XKR9: variants seen among roughly 807,000 people sequenced by gnomAD.
XKR9 encodes XK related 9, also known as XK-related protein 9.
A neutral mutation model predicts 32.0 loss-of-function variants in XKR9; 32 were observed. The observed-to-expected ratio is 1.00, with a 90% CI of 0.76 to 1.34. The LOEUF (loss-of-function observed/expected upper bound fraction) is 1.34. Among genes scored for constraint, XKR9 ranks in the 40% most tolerant of loss-of-function variants. The pLI is 0.00. For missense variants in XKR9, 546 were observed against 429.7 expected, an observed-to-expected ratio of 1.27 and a Z score of -2.39; for synonymous variants, 168 against 143.4, an observed-to-expected ratio of 1.17 and a Z score of -1.22.
chr8:70,758,321 C>T (rs1189801646), intron 2 of XKR9, among the ~76,000 whole-genome samples: 1 of 152,114 alleles, frequency 6.6e-6, no homozygotes, highest in Non-Finnish European at 1.5e-5. Flanking sequence ...TGGTAAACTC[C>T]AATAATTGCC....
chr8:70,853,771 T>A, the XKR9 span, among the ~76,000 whole-genome samples: 1 of 152,160 alleles, frequency 6.6e-6, no homozygotes, highest in East Asian at 1.9e-4. Context: ...AGTGAGAACA[T>A]GCAGTGTTTG....
At chr8:70,800,918 T>A in the XKR9 span, among the ~76,000 whole-genome samples, 203 of 152,106 alleles carry the variant, frequency 1.3e-3, no homozygotes, top group Non-Finnish European at 2.7e-3. Context: ...AATATATCCA[T>A]TTCTTCTAGG....
At chr8:70,839,863 C>G in the XKR9 span, among the ~76,000 whole-genome samples, 1 of 152,158 alleles carries the variant, frequency 6.6e-6, no homozygotes, top group African/African-American at 2.4e-5. Context: ...GACAAATGGA[C>G]AGTGCCTAAA....
the XKR9 span, among the ~76,000 whole-genome samples, chr8:70,917,806 A>G: frequency 6.6e-6 from 1 of 152,140 alleles, no homozygotes; most frequent in Non-Finnish European, 1.5e-5. Context: ...AGATTATTAA[A>G]CTCACATTGA....
At chr8:70,895,737 C>T in the XKR9 span, among the ~76,000 whole-genome samples, 10 of 149,500 alleles carry the variant, frequency 6.7e-5, no homozygotes, top group East Asian at 5.9e-4. Context: ...GCAATCCCAG[C>T]GCTTTGGGAG....
At chr8:70,840,002 C>T in the XKR9 span, among the ~76,000 whole-genome samples, 1 of 152,134 alleles carries the variant, frequency 6.6e-6, no homozygotes, top group Non-Finnish European at 1.5e-5. Context: ...GACAATTCTC[C>T]AACTCAGCGT....
the XKR9 span, among the ~76,000 whole-genome samples, chr8:70,810,557 G>A: frequency 2.4e-4 from 36 of 152,262 alleles, no homozygotes; most frequent in African/African-American, 8.4e-4. Context: ...CTCACATGCA[G>A]AGACACACAT....
chr8:70,946,489 G>A, the XKR9 span, among the ~76,000 whole-genome samples: 1 of 152,086 alleles, frequency 6.6e-6, no homozygotes, highest in African/African-American at 2.4e-5. Flanking sequence ...CCCTACAACA[G>A]TCCTTCAGAG....
rs1806838030 is a variant in XKR9 at position 70,735,558 on chromosome 8, A to C, written c.*1134A>C. The stretch of plus-strand genomic sequence containing the variant: ...TACATGTGCCATGCTGGTGTGCTGC[A>C]CCCATTAACTCGTCATTTATCATTA... On this transcript the variant is annotated 3_prime_UTR_variant, in exon 5 of 5. Transcript: ENST00000408926. 1 of 150,702 alleles carries C rather than the reference A, an allele frequency of 6.6e-6. No homozygotes were observed. The highest frequency in any genetic ancestry group is 1.5e-5 in the Non-Finnish European group (1 of 67,722). 9.3% of individuals were successfully genotyped at this position (150,702 alleles called of 1,614,324 possible).
chr8:70,978,085 T>C, the XKR9 span, among the ~76,000 whole-genome samples: 1 of 152,202 alleles, frequency 6.6e-6, no homozygotes, highest in African/African-American at 2.4e-5. Flanking sequence ...TCCATTTGCT[T>C]GGTAGATCTT....
chr8:70,861,278 T>C, the XKR9 span, among the ~76,000 whole-genome samples: 2 of 152,162 alleles, frequency 1.3e-5, no homozygotes, highest in Non-Finnish European at 2.9e-5. Flanking sequence ...TTGTGTGACC[T>C]TGGGAAAATT....
At chr8:70,797,701 C>G in the XKR9 span, among the ~76,000 whole-genome samples, 8 of 152,050 alleles carry the variant, frequency 5.3e-5, no homozygotes, top group Non-Finnish European at 2.9e-5. Context: ...ATCTTCACTC[C>G]CCTAACCTCC....
the XKR9 span, among the ~76,000 whole-genome samples, chr8:70,984,789 G>A: frequency 6.6e-6 from 1 of 151,956 alleles, no homozygotes; most frequent in African/African-American, 2.4e-5. Flanking sequence ...AAAATGTTGA[G>A]AACTAAAAAA....
At chr8:71,038,733 C>T in the XKR9 span, among the ~76,000 whole-genome samples, 1 of 134,248 alleles carries the variant, frequency 7.4e-6, no homozygotes, top group Non-Finnish European at 1.5e-5. Context: ...ATTGTCCTAG[C>T]TCATGTTCTC....
the XKR9 span, among the ~76,000 whole-genome samples, chr8:70,936,038 T>C: frequency 6.6e-6 from 1 of 151,970 alleles, no homozygotes; most frequent in Non-Finnish European, 1.5e-5. Context: ...TATGGGGTCT[T>C]GGTGGATAAG....
At chr8:70,790,641 T>C (rs997315688), downstream of XKR9, among the ~76,000 whole-genome samples, 3 of 152,094 alleles carry the variant, frequency 2.0e-5, no homozygotes, top group Non-Finnish European at 2.9e-5. Flanking sequence ...TATATCCTAG[T>C]ATATATTATA....
downstream of XKR9, among the ~76,000 whole-genome samples, chr8:70,739,959 T>A (rs1297375691): frequency 1.3e-5 from 2 of 152,284 alleles, no homozygotes; most frequent in East Asian, 3.9e-4. Flanking sequence ...GAGTTGCTCT[T>A]CTTGAGGAGT....
At chr8:70,941,264 AC>A in the XKR9 span, among the ~76,000 whole-genome samples, 1 of 152,020 alleles carries the variant, frequency 6.6e-6, no homozygotes, top group South Asian at 2.1e-4. Flanking sequence ...TTAGTGTAAT[AC>A]TTTTCAGGTT....
chr8:70,680,243 A>C (rs1431392622), intron 2 of XKR9, among the ~76,000 whole-genome samples: 1 of 152,030 alleles, frequency 6.6e-6, no homozygotes, highest in Non-Finnish European at 1.5e-5. Context: ...TTTAGTGTGG[A>C]TGTACCATAA....
Sources: gnomAD v4.1 joint callset for allele counts (sites outside exome capture counted in the v4.1 genomes callset) on GRCh38, gnomAD v4.1.1 for gene constraint, MANE v1.5 for transcripts, NCBI Gene and HGNC (gene_info 2026-07-23, HGNC 2026-07-21) for gene names.